NR1I2: variants seen among roughly 807,000 people sequenced by gnomAD.
NR1I2 encodes nuclear receptor subfamily 1 group I member 2.
Under a neutral mutation model 43.3 loss-of-function variants are expected in NR1I2, and 42 were observed. That is an observed-to-expected ratio of 0.97 (90% CI 0.76 to 1.26). The LOEUF is 1.26. Among genes scored for constraint, NR1I2 ranks in the 50% most tolerant of loss-of-function variants. The pLI, the probability that NR1I2 is intolerant of heterozygous loss-of-function variation, is 0.00. For synonymous variants in NR1I2, 229 were observed against 215.0 expected, an observed-to-expected ratio of 1.06 and a Z score of -0.57; for missense variants, 559 against 566.7, an observed-to-expected ratio of 0.99 and a Z score of 0.14.
In NR1I2 at chr3:119,817,161, C is replaced by A; in HGVS notation, c.1254C>A (p.His418Gln). The A allele has an allele frequency of 1.9e-6, 3 of 1,614,218 alleles. No homozygotes were observed. Among genetic ancestry groups the A allele is most frequent in the Non-Finnish European group, 2.5e-6 (3 of 1,180,030 alleles). Residue 418 changes from histidine to glutamine, a missense_variant, in exon 9 of 9, where the codon CAC becomes CAA. By Grantham distance (24) the His-to-Gln change is conservative. Transcript: ENST00000393716. ...GGCTGCTGCGCATCCAGGACATACA[C>A]CCCTTTGCTACGCCCCTCATGCAGG...
intron 1 of NR1I2, among the ~76,000 whole-genome samples, chr3:119,784,805 A>T (rs571069710): frequency 6.6e-6 from 1 of 152,166 alleles, no homozygotes; most frequent in Admixed American, 6.5e-5. Flanking sequence ...ACACATGTCC[A>T]TTTCTGTGTC....
Position 119,812,673 on chromosome 3 carries a change from G to T in NR1I2, c.520-13G>T. The T allele has an allele frequency of 6.2e-7, 1 of 1,613,466 alleles. No homozygotes were observed. Among genetic ancestry groups the T allele is most frequent in the Non-Finnish European group, 8.5e-7 (1 of 1,179,960 alleles). On this transcript the variant is annotated splice_polypyrimidine_tract_variant and intron_variant, in intron 4 of 8. Transcript: ENST00000393716. ...CTGTCTCTCCTCTGTCCACCTCCTG[G>T]CATGTGTCCTAGCTGCCAGGGGTGC...
At position 119,811,596 on chromosome 3, in the gene NR1I2, G is replaced by A. The variant is rs998779933; in HGVS notation, c.389G>A (p.Ser130Asn). 3.1e-6 allele frequency: 5 copies of A among 1,613,830 alleles called. No homozygotes were observed. The highest frequency in any genetic ancestry group is 4.2e-6 in the Non-Finnish European group (5 of 1,179,924). Residue 130 changes from serine (S) to asparagine (N), a missense_variant, in exon 4 of 9, where the codon AGT (serine) becomes AAT (asparagine). Around this residue, in one of 3 missense-constraint regions of NR1I2, gnomAD observed 232 missense variants for 236.6 expected, o/e 0.98. Transcript: ENST00000393716. ...CGGGCCTTGATCAAGCGGAAGAAAA[G>A]TGAACGGACAGGGACTCAGCCACTG...
intron 8 of NR1I2, among the ~76,000 whole-genome samples, 164 bp from the exon 9 acceptor site, chr3:119,816,904 T>C (rs1398096253): frequency 1.3e-5 from 2 of 151,882 alleles, no homozygotes; most frequent in East Asian, 3.9e-4. Flanking sequence ...GTTCTGCCTT[T>C]CTCATCTACA....
chr3:119,802,196 G>A (rs999775641), intron 1 of NR1I2, among the ~76,000 whole-genome samples: 8 of 152,194 alleles, frequency 5.3e-5, no homozygotes, highest in African/African-American at 1.9e-4. Flanking sequence ...AAGCATATGA[G>A]AGAAGGAACT....
Position 119,811,580 on chromosome 3 carries a change from A to G in NR1I2, c.373A>G (p.Ile125Val). Residue 125 changes from isoleucine (I) to valine (V), a missense_variant, in exon 4 of 9, where the codon ATC becomes GTC. By Grantham distance (29) the Ile-to-Val change is conservative (BLOSUM62 3). Coordinates refer to ENST00000393716, the MANE Select transcript of NR1I2 (RefSeq NM_003889.4). Reference sequence around the variant, plus strand: ...GGCCGTGGAGGAGAGGCGGGCCTTGATCAAGCGGAAGAAAAGTGAACGGAC... The same window carrying G: ...GGCCGTGGAGGAGAGGCGGGCCTTGGTCAAGCGGAAGAAAAGTGAACGGAC... 6.2e-7 allele frequency: 1 copy of G among 1,613,702 alleles called. No homozygotes were observed. Among genetic ancestry groups the G allele is most frequent in the African/African-American group, 1.3e-5 (1 of 75,046 alleles).
intron 1 of NR1I2, among the ~76,000 whole-genome samples, chr3:119,801,709 G>T (rs2055083973): frequency 6.6e-6 from 1 of 152,188 alleles, no homozygotes. Flanking sequence ...GATTTTCTGT[G>T]TTGGCTGGGC....
rs147902726 is a variant in NR1I2, at chr3:119,798,782, G to A, written c.-22-8447G>A. On this transcript the variant is annotated intron_variant, in intron 1 of 8. Coordinates refer to ENST00000393716, the MANE Select transcript of NR1I2 (RefSeq NM_003889.4). ...CCTTTCCTGGACATTTAATATAAGC[G>A]GAACTATACAAAATGCGGTCTTTGG... Among the ~76,000 whole-genome samples the A allele has an allele frequency of 1.9e-3, 283 of 152,166 alleles. 1 individual carries two copies. Among genetic ancestry groups the A allele is most frequent in the African/African-American group, 6.2e-3 (257 of 41,518 alleles).
At chr3:119,784,701 T>C (rs185514010) in intron 1 of NR1I2, among the ~76,000 whole-genome samples, 3 of 152,352 alleles carry the variant, frequency 2.0e-5, no homozygotes, top group Non-Finnish European at 4.4e-5. Flanking sequence ...CTGGCACTTA[T>C]TGCAATACAT....
At chr3:119,786,579 A>G (rs923590230) in intron 1 of NR1I2, among the ~76,000 whole-genome samples, 3 of 152,256 alleles carry the variant, frequency 2.0e-5, no homozygotes, top group African/African-American at 7.2e-5. Context: ...AGACATAGGC[A>G]GTTAACTCAG....
chr3:119,817,137 G>C lies in NR1I2; in HGVS notation c.1230G>C (p.Arg410=). 6.2e-7 allele frequency: 1 copy of C among 1,614,166 alleles called. No homozygotes were observed. The highest frequency in any genetic ancestry group is 1.7e-5 in the Admixed American group (1 of 60,024). ...GCATCAATGCTCAGCACACCCAGCG[G>C]CTGCTGCGCATCCAGGACATACACC... Residue 410 remains arginine, a synonymous_variant, in exon 9 of 9, where the codon CGG becomes CGC. Coordinates refer to ENST00000393716, the MANE Select transcript of NR1I2 (RefSeq NM_003889.4).
chr3:119,794,637 T>C (rs1207233074), intron 1 of NR1I2, among the ~76,000 whole-genome samples: 1 of 152,174 alleles, frequency 6.6e-6, no homozygotes, highest in Non-Finnish European at 1.5e-5. Flanking sequence ...TATTCTTTTT[T>C]CTTAAATAGG....
Position 119,812,835 on chromosome 3 carries a change from G to C in NR1I2, c.669G>C (p.Trp223Cys), listed in dbSNP as rs200618563. The change falls in exon 5 of 9, where the codon TGG becomes TGC. Residue 223 changes from tryptophan to cysteine, a missense_variant. Physicochemically the swap from Trp to Cys is radical, Grantham distance 215. Coordinates refer to ENST00000393716, the MANE Select transcript of NR1I2 (RefSeq NM_003889.4). ...TGCGGGGGGAGGATGGCAGTGTCTG[G>C]AACTACAAACCCCCAGCCGACAGTG... 3.1e-6 allele frequency: 5 copies of C among 1,614,204 alleles called. No homozygotes were observed. Among genetic ancestry groups the C allele is most frequent in the Non-Finnish European group, 4.2e-6 (5 of 1,180,040 alleles).
At chr3:119,792,456 T>G in intron 1 of NR1I2, 1 of 1,161,072 alleles carries the variant, frequency 8.6e-7, no homozygotes, top group Non-Finnish European at 1.3e-6. Flanking sequence ...CTGTGCAAGC[T>G]GGAAGCTGCA....
chr3:119,783,152 AT>A (rs1481151249), intron 1 of NR1I2, among the ~76,000 whole-genome samples: 1 of 151,776 alleles, frequency 6.6e-6, no homozygotes, highest in Non-Finnish European at 1.5e-5. Context: ...TCAGAGGCTT[AT>A]TTAATCAGTT....
At chr3:119,790,224 T>C (rs1482428351) in intron 1 of NR1I2, among the ~76,000 whole-genome samples, 1 of 152,234 alleles carries the variant, frequency 6.6e-6, no homozygotes, top group Non-Finnish European at 1.5e-5. Context: ...ATCCGTATTG[T>C]AGCATGTGTT....
intron 1 of NR1I2, among the ~76,000 whole-genome samples, chr3:119,804,818 T>C (rs893075772): frequency 1.3e-5 from 2 of 152,162 alleles, no homozygotes; most frequent in Admixed American, 6.5e-5. Context: ...AACTCTCTAA[T>C]TGCCTTCTTT....
At chr3:119,808,154 C>T (rs2055187566) in intron 2 of NR1I2, among the ~76,000 whole-genome samples, 1 of 152,218 alleles carries the variant, frequency 6.6e-6, no homozygotes, top group Non-Finnish European at 1.5e-5. Context: ...ATTGGTTTGG[C>T]AATAAGGAAA....
intron 1 of NR1I2, among the ~76,000 whole-genome samples, chr3:119,791,635 C>T (rs2054920450): frequency 6.6e-6 from 1 of 152,128 alleles, no homozygotes; most frequent in Non-Finnish European, 1.5e-5. Context: ...GACCTCTAGG[C>T]CGGGCTCAGT....
Sources: gnomAD v4.1 joint callset for allele counts (sites outside exome capture counted in the v4.1 genomes callset) on GRCh38, gnomAD v4.1.1 for gene constraint, gnomAD v4.1.1 regional missense constraint, MANE v1.5 for transcripts, NCBI Gene and HGNC (gene_info 2026-07-23, HGNC 2026-07-21) for gene names.